ZZEF1: variants seen among roughly 807,000 people sequenced by gnomAD.
ZZEF1 encodes the protein zinc finger ZZ-type and EF-hand domain-containing protein 1.
Under a neutral mutation model 342.8 loss-of-function variants are expected in ZZEF1, and 157 were observed. That is an observed-to-expected ratio of 0.46 (90% confidence interval 0.40 to 0.52). The LOEUF (loss-of-function observed/expected upper bound fraction) is 0.52, where lower values mean the gene tolerates loss of function less well. ZZEF1 is among the 20% of genes least tolerant of loss of function. ZZEF1 has a pLI of 0.00. For missense variants in ZZEF1, 3,480 were observed against 3,725.6 expected (o/e 0.93, Z 1.72); for synonymous variants, 1,505 against 1,429.1 (o/e 1.05, Z -1.20).
At chr17:4,046,076 C>T (rs1211437737) in intron 37 of ZZEF1, among the ~76,000 whole-genome samples, 2 of 152,184 alleles carry the variant, frequency 1.3e-5, no homozygotes, top group Admixed American at 6.5e-5. Flanking sequence ...ATCCACCCAT[C>T]TTGGCCTCCC....
chr17:4,126,808 C>T (rs1481480184), intron 1 of ZZEF1, among the ~76,000 whole-genome samples: 2 of 152,092 alleles, frequency 1.3e-5, no homozygotes, highest in African/African-American at 4.8e-5. Context: ...TCTACTAAAA[C>T]TACAAAACAT....
In ZZEF1 at chr17:4,033,021, A is replaced by T. The variant is rs1363055257; in HGVS notation, c.6585-19T>A. 11 of 1,550,712 alleles carry T rather than the reference A, an allele frequency of 7.1e-6. No individual in the cohort carries two copies. Among genetic ancestry groups the T allele is most frequent in the Non-Finnish European group, 9.6e-6 (11 of 1,146,714 alleles). ...CACCCGGCTGGAAGGCAAGAGCTCC[A>T]TTAGGGGCAGTACACAGGGCTCCAA... On this transcript the variant is annotated intron_variant, in intron 40 of 54. Coordinates refer to ENST00000381638, the MANE Select transcript of ZZEF1 (RefSeq NM_015113.4).
At chr17:4,074,479 C>CT in intron 23 of ZZEF1, 128 bp from the exon 24 acceptor site, 1 of 961,632 alleles carries the variant, frequency 1.0e-6, no homozygotes, top group Non-Finnish European at 1.6e-6. Context: ...TCCAAAATGA[C>CT]TAACGGAGAA....
chr17:4,022,707 A>T lies in ZZEF1; in HGVS notation c.7212+2T>A. 6.2e-7 allele frequency: 1 copy of T among 1,613,836 alleles called. No homozygotes were observed. The highest frequency in any genetic ancestry group is 8.5e-7 in the Non-Finnish European group (1 of 1,179,976). On this transcript the variant is annotated splice_donor_variant, in intron 44 of 54. Coordinates refer to ENST00000381638, the MANE Select transcript of ZZEF1 (RefSeq NM_015113.4). LOFTEE classifies it high-confidence loss of function. ...GGAGCAGGAGTCCCTCTCGTCTCTTACTTCCAGGTCCCGGAGGAGCCACGT... is the reference window on the plus strand; with the variant it reads ...GGAGCAGGAGTCCCTCTCGTCTCTTTCTTCCAGGTCCCGGAGGAGCCACGT...
chr17:4,075,195 T>C lies in ZZEF1; in HGVS notation c.3402-17A>G, dbSNP rs765637454. ...TAATCATACCTGTGAAGGCATAACC[T>C]CTATTAGCTTCCTTCTCTCATTGCT... On this transcript the variant is annotated splice_polypyrimidine_tract_variant and intron_variant, in intron 22 of 54. Coordinates refer to ENST00000381638, the MANE Select transcript of ZZEF1 (RefSeq NM_015113.4). 1.2e-6 allele frequency: 2 copies of C among 1,613,944 alleles called. No homozygotes were observed. The highest frequency in any genetic ancestry group is 1.7e-6 in the Non-Finnish European group (2 of 1,179,820).
rs141491532 is a variant in ZZEF1, at chr17:4,078,603, C to T, written c.2830-561G>A. On this transcript the variant is annotated intron_variant, in intron 18 of 54. Coordinates refer to ENST00000381638, the MANE Select transcript of ZZEF1 (RefSeq NM_015113.4). ...AACACAAGCTTCGGGATGATGGTTA[C>T]GCCTGGCAAGGCAGGAAGAGAGTGA... Among the ~76,000 whole-genome samples the T allele has an allele frequency of 9.3e-4, 141 of 152,304 alleles. 1 individual carries two copies. Among genetic ancestry groups the T allele is most frequent in the African/African-American group, 3.1e-3 (127 of 41,560 alleles).
chr17:4,136,934 C>T (rs560339523), intron 1 of ZZEF1, among the ~76,000 whole-genome samples: 60 of 152,242 alleles, frequency 3.9e-4, no homozygotes, highest in Non-Finnish European at 7.2e-4. Flanking sequence ...GTAACTGCTT[C>T]TCTGTGGTCC....
At position 4,075,081 on chromosome 17, in the gene ZZEF1, T is replaced by C. The variant is rs1378233384; in HGVS notation, c.3483+16A>G. On this transcript the variant is annotated intron_variant, in intron 23 of 54. Transcript: ENST00000381638. ...TGGTGCAGAAGTAGGTACCTCTTTC[T>C]GGGACTATCACTCACCTTGGGCCAT... 1.2e-6 allele frequency: 2 copies of C among 1,613,968 alleles called. No homozygotes were observed. Among genetic ancestry groups the C allele is most frequent in the Non-Finnish European group, 1.7e-6 (2 of 1,179,840 alleles).
At chr17:4,087,118 G>A (rs1299301555) in intron 14 of ZZEF1, among the ~76,000 whole-genome samples, 1 of 152,122 alleles carries the variant, frequency 6.6e-6, no homozygotes, top group East Asian at 1.9e-4. Flanking sequence ...CTGACCTTGT[G>A]ATCCACCCGC....
chr17:4,090,651 A>T, intron 12 of ZZEF1, 68 bp downstream of exon 12: 2 of 1,295,326 alleles, frequency 1.5e-6, no homozygotes, highest in Non-Finnish European at 2.2e-6. Flanking sequence ...CAGGGCTGAT[A>T]CACAATCACT....
intron 1 of ZZEF1, among the ~76,000 whole-genome samples, chr17:4,135,736 GTTCCT>G (rs1329884301): frequency 6.6e-6 from 1 of 152,122 alleles, no homozygotes; most frequent in African/African-American, 2.4e-5. Flanking sequence ...GGTCCTCGGA[GTTCCT>G]GCCAAACCCT....
At chr17:4,084,853 C>T (rs1567826667) in intron 16 of ZZEF1, among the ~76,000 whole-genome samples, 1 of 152,210 alleles carries the variant, frequency 6.6e-6, no homozygotes, top group Admixed American at 6.5e-5. Context: ...TGGCTCACGC[C>T]TGTAATCCCA....
At chr17:4,052,276 A>G (rs1284636000) in intron 34 of ZZEF1, 140 bp from the exon 35 acceptor site, 10 of 780,506 alleles carry the variant, frequency 1.3e-5, no homozygotes, top group Non-Finnish European at 2.0e-5. Context: ...CGTTCTCTGG[A>G]GACAGGGTGC....
intron 5 of ZZEF1, among the ~76,000 whole-genome samples, chr17:4,112,035 T>A (rs1294963003): frequency 1.4e-3 from 3 of 2,162 alleles, no homozygotes; most frequent in East Asian, 0.026. Context: ...CCTGTCTAAA[T>A]ATATATATAT....
intron 42 of ZZEF1, among the ~76,000 whole-genome samples, chr17:4,026,332 G>A (rs1480740817): frequency 6.6e-6 from 1 of 152,050 alleles, no homozygotes; most frequent in African/African-American, 2.4e-5. Flanking sequence ...TAAATCTAAG[G>A]AGCTCAATAA....
chr17:4,137,310 G>A (rs748728106), intron 1 of ZZEF1, among the ~76,000 whole-genome samples: 1 of 152,142 alleles, frequency 6.6e-6, no homozygotes, highest in Non-Finnish European at 1.5e-5. Flanking sequence ...GCCAAAGTAA[G>A]CAAAAATAAT....
chr17:4,071,853 T>A (rs889928915), intron 25 of ZZEF1, among the ~76,000 whole-genome samples: 29 of 151,628 alleles, frequency 1.9e-4, no homozygotes, highest in African/African-American at 6.8e-4. Context: ...ATATTAGGAA[T>A]TAGGGCCACA....
chr17:4,017,260 G>A lies in ZZEF1; in HGVS notation c.8001+111C>T, dbSNP rs2056130805. The A allele has an allele frequency of 1.7e-5, 24 of 1,434,896 alleles. No individual in the cohort carries two copies. Among genetic ancestry groups the A allele is most frequent in the Admixed American group, 6.4e-5 (3 of 46,976 alleles). 88.9% of individuals were successfully genotyped at this position (1,434,896 alleles called of 1,614,324 possible). A position where few individuals can be genotyped will look rare whatever the true frequency, so the allele number is the denominator to read the frequency against. On this transcript the variant is annotated intron_variant, in intron 48 of 54. Transcript: ENST00000381638. The surrounding 1 kb of genome is among the most constrained non-coding windows in gnomAD (Gnocchi z 5.1). ...CTTTGCTGCATTCACACCTGTCAGG[G>A]AGCTGCACAGCCACACAGGTAGCCT...
chr17:4,052,549 CAAAATAAA>C (rs2057071956), intron 34 of ZZEF1, among the ~76,000 whole-genome samples: 2 of 151,802 alleles, frequency 1.3e-5, no homozygotes, highest in African/African-American at 4.8e-5. Context: ...AACAGACTTC[CAAAATAAA>C]AAAATAAAAA....
Sources: allele counts gnomAD v4.1 joint callset (sites outside exome capture counted in the v4.1 genomes callset), GRCh38; gene constraint gnomAD v4.1.1; non-coding constraint Gnocchi (gnomAD v3.1); transcripts MANE v1.5; gene names NCBI Gene and HGNC (gene_info 2026-07-23, HGNC 2026-07-21).